The following WDR53 variants were observed in gnomAD, a reference collection of about 807,000 sequenced individuals.
WDR53 encodes WD repeat domain 53.
In WDR53, 19 loss-of-function variants were observed where a neutral mutation model predicts 21.3. The observed-to-expected ratio is 0.89, with a 90% CI of 0.62 to 1.31. The LOEUF (loss-of-function observed/expected upper bound fraction) is 1.31. Among genes scored for constraint, WDR53 ranks in the 50% most tolerant of loss-of-function variants. WDR53 has a pLI of 0.00. For missense variants in WDR53, 374 were observed against 423.2 expected, an observed-to-expected ratio of 0.88 and a Z score of 1.02; for synonymous variants, 157 against 163.4, an observed-to-expected ratio of 0.96 and a Z score of 0.30.
intron 3 of WDR53, among the ~76,000 whole-genome samples, chr3:196,557,126 A>T (rs1178124146): frequency 2.0e-5 from 3 of 152,242 alleles, no homozygotes; most frequent in Admixed American, 6.5e-5. Context: ...CATCGAAGGG[A>T]GAAAAAGTGG....
At chr3:196,558,818 A>G (rs1261345506) in intron 3 of WDR53, among the ~76,000 whole-genome samples, 1 of 152,254 alleles carries the variant, frequency 6.6e-6, no homozygotes, top group Non-Finnish European at 1.5e-5. Context: ...CAGTTAAGGA[A>G]GTCATTTCTT....
intron 3 of WDR53, among the ~76,000 whole-genome samples, chr3:196,558,996 C>T (rs963029051): frequency 6.6e-6 from 1 of 152,206 alleles, no homozygotes; most frequent in Non-Finnish European, 1.5e-5. Flanking sequence ...GCCACTAAAA[C>T]GTCTTACCTG....
rs2108714587 is a variant in WDR53 at position 196,566,902 on chromosome 3, G to C, written c.-42C>G. 1 of 218,968 alleles carries C rather than the reference G, an allele frequency of 4.6e-6. No individual in the cohort carries two copies. The highest frequency in any genetic ancestry group is 5.5e-5 in the Admixed American group (1 of 18,342). 13.6% of individuals were successfully genotyped at this position (218,968 alleles called of 1,614,324 possible). On this transcript the variant is annotated 5_prime_UTR_variant, in exon 2 of 4. Coordinates refer to ENST00000332629, the MANE Select transcript of WDR53 (RefSeq NM_182627.3). ...TTTGAAATTCTACCTGGGGCGCTCA[G>C]GAGACGGTCTGCCGTTGAAAGTCAC...
intron 3 of WDR53, among the ~76,000 whole-genome samples, chr3:196,557,196 T>C (rs960856975): frequency 6.6e-6 from 1 of 152,178 alleles, no homozygotes; most frequent in Non-Finnish European, 1.5e-5. Context: ...TCAAAACAAA[T>C]TCCCCTTTTA....
At chr3:196,560,901 C>G in intron 3 of WDR53, 95 bp downstream of exon 3, 1 of 1,486,928 alleles carries the variant, frequency 6.7e-7, no homozygotes. Context: ...TAGTAGAAAA[C>G]AGAAAAAGCA....
At position 196,560,797 on chromosome 3, in the gene WDR53, G is replaced by C. The variant is rs181459323; in HGVS notation, c.480+199C>G. On this transcript the variant is annotated intron_variant, in intron 3 of 3. Transcript: ENST00000332629. ...ACAGTATAGAGAAAGGAAAAGTAAA[G>C]GATTAATGATTACTTTGTGAATAAA... Among the ~76,000 whole-genome samples, 223 of 152,288 alleles carry C rather than the reference G, an allele frequency of 1.5e-3. 3 individuals are homozygous for C. Among genetic ancestry groups the C allele is most frequent in the African/African-American group, 5.0e-3 (206 of 41,564 alleles).
intron 3 of WDR53, among the ~76,000 whole-genome samples, chr3:196,558,225 A>G (rs1734516337): frequency 6.6e-6 from 1 of 151,376 alleles, no homozygotes; most frequent in Non-Finnish European, 1.5e-5. Flanking sequence ...TATTTTTTTG[A>G]GACAGGGTCT....
rs185966564 is a variant in WDR53 at position 196,560,537 on chromosome 3, G to A, written c.480+459C>T. ...CAGGCGTGAGCCACCGTGCCCAGCC[G>A]TGATGCTCCTTTCAAAACTCAGCAT... On this transcript the variant is annotated intron_variant, in intron 3 of 3. Coordinates refer to ENST00000332629, the MANE Select transcript of WDR53 (RefSeq NM_182627.3). 2.3e-3 allele frequency among the ~76,000 whole-genome samples: 347 copies of A among 152,264 alleles called. 3 individuals are homozygous for A. The highest frequency in any genetic ancestry group is 4.1e-3 in the Non-Finnish European group (277 of 68,008).
In WDR53 at chr3:196,567,751, T is replaced by TTGTGTGTGTGTGTGTG. The variant is rs3080583; in HGVS notation, c.-447-460_-447-445dup. Among the ~76,000 whole-genome samples the TTGTGTGTGTGTGTGTG allele has an allele frequency of 5.7e-3, 821 of 143,654 alleles. 10 individuals are homozygous for TTGTGTGTGTGTGTGTG. The highest frequency in any genetic ancestry group is 0.012 in the African/African-American group (457 of 37,978). 94.2% of individuals were successfully genotyped at this position (143,654 alleles called of 152,430 possible). On this transcript the variant is annotated intron_variant, in intron 1 of 3. Transcript: ENST00000332629. The stretch of plus-strand genomic sequence containing the variant: ...GTATAATCAAATAATGCTGAAATTC[T>TTGTGTGTGTGTGTGTG]TGTGTGTGTGTGTGTGTGTGTGTGT...
rs1734832932 is a variant in WDR53, at chr3:196,561,303, A to G, written c.173T>C (p.Leu58Ser). The G allele has an allele frequency of 2.5e-6, 4 of 1,614,076 alleles. No individual in the cohort carries two copies. In the Admixed American group the frequency reaches 6.7e-5, roughly 27 times the overall value. Reference sequence around the variant, plus strand: ...CTTGGTGGGACAGGAGGGAGAAAATAAGACACTGGTAACATCATCAGCCCC... The same window carrying G: ...CTTGGTGGGACAGGAGGGAGAAAATGAGACACTGGTAACATCATCAGCCCC... The part of the protein sequence containing the change: ...FQGADDVTSV[L>S]FSPSCPTKLY... Residue 58 changes from leucine (L) to serine (S), a missense_variant, in exon 3 of 4, where the codon TTA becomes TCA. Transcript: ENST00000332629.
chr3:196,565,114 A>G (rs1458033612), intron 2 of WDR53, among the ~76,000 whole-genome samples: 1 of 152,138 alleles, frequency 6.6e-6, no homozygotes, highest in Non-Finnish European at 1.5e-5. Flanking sequence ...ACCAGTAGTA[A>G]CTCTTGTTCT....
In WDR53 at chr3:196,554,450, TCTTCTGTTTTTTCTCAA is replaced by T; in HGVS notation, c.821_837del (p.Val274GlufsTer12). On this transcript the variant is annotated frameshift_variant, in exon 4 of 4. Coordinates refer to ENST00000332629, the MANE Select transcript of WDR53 (RefSeq NM_182627.3). LOFTEE classifies it low-confidence loss of function (END_TRUNC). ...TTCCTGTGGGTACGTTTTGTGGGAC[TCTTCTGTTTTTTCTCAA>T]CTTCACTGTTTGCATCCCACAACGT... 6.2e-7 allele frequency: 1 copy of T among 1,614,158 alleles called. No homozygotes were observed. The highest frequency in any genetic ancestry group is 8.5e-7 in the Non-Finnish European group (1 of 1,180,018).
At chr3:196,564,042 C>T (rs968561945) in intron 2 of WDR53, among the ~76,000 whole-genome samples, 6 of 151,990 alleles carry the variant, frequency 3.9e-5, no homozygotes, top group African/African-American at 1.4e-4. Flanking sequence ...CAGAAGCACT[C>T]AACTAATATA....
intron 3 of WDR53, among the ~76,000 whole-genome samples, chr3:196,557,338 C>T (rs1190552888): frequency 2.6e-5 from 4 of 152,100 alleles, no homozygotes; most frequent in African/African-American, 4.8e-5. Flanking sequence ...CCCAGGAGTT[C>T]GAGACCAGCC....
chr3:196,556,392 C>T (rs1487860937), intron 3 of WDR53, among the ~76,000 whole-genome samples: 2 of 152,118 alleles, frequency 1.3e-5, no homozygotes, highest in African/African-American at 4.8e-5. Flanking sequence ...CACGGTGGCT[C>T]ACACCTCTAA....
chr3:196,566,702 C>T (rs1488008515), intron 2 of WDR53, among the ~76,000 whole-genome samples, 175 bp downstream of exon 2: 1 of 152,182 alleles, frequency 6.6e-6, no homozygotes, highest in African/African-American at 2.4e-5. Context: ...GCGTGAGCCA[C>T]GGCACCCGGC....
intron 2 of WDR53, among the ~76,000 whole-genome samples, chr3:196,562,353 C>T (rs566268788): frequency 6.6e-6 from 1 of 152,292 alleles, no homozygotes; most frequent in African/African-American, 2.4e-5. Flanking sequence ...CCTCCGCCTC[C>T]CGGGTTCCAG....
Position 196,567,185 on chromosome 3 carries a change from A to G in WDR53, c.-325T>C, listed in dbSNP as rs1488966382. 1 of 457,338 alleles carries G rather than the reference A, an allele frequency of 2.2e-6. No homozygotes were observed. The highest frequency in any genetic ancestry group is 6.9e-5 in the East Asian group (1 of 14,402). 28.3% of individuals were successfully genotyped at this position (457,338 alleles called of 1,614,324 possible). A position where few individuals can be genotyped will look rare whatever the true frequency, so the allele number is the denominator to read the frequency against. ...GACTTCAAAGAAATTAGTGAGAGAC[A>G]GTCACCATCACCAGAGTCAGCACAG... On this transcript the variant is annotated 5_prime_UTR_variant, in exon 2 of 4. Coordinates refer to ENST00000332629, the MANE Select transcript of WDR53 (RefSeq NM_182627.3).
intron 2 of WDR53, among the ~76,000 whole-genome samples, chr3:196,563,552 A>G (rs1487676790): frequency 6.7e-6 from 1 of 149,422 alleles, no homozygotes; most frequent in East Asian, 1.9e-4. Context: ...AATCTGCCCA[A>G]AGTTTCCATT....
Sources: allele counts gnomAD v4.1 joint callset (sites outside exome capture counted in the v4.1 genomes callset), GRCh38; gene constraint gnomAD v4.1.1; transcripts MANE v1.5; gene names NCBI Gene and HGNC (gene_info 2026-07-23, HGNC 2026-07-21).